Variants in ESPNL observed in about 807,000 individuals in gnomAD.
ESPNL encodes espin like.
ESPNL carries 49 observed loss-of-function variants against 46.8 expected under a neutral mutation model. The observed-to-expected ratio is 1.05, with a 90% confidence interval of 0.83 to 1.33. The LOEUF (loss-of-function observed/expected upper bound fraction) is 1.33, where lower values mean the gene tolerates loss of function less well. Among genes scored for constraint, ESPNL ranks in the 40% most tolerant of loss-of-function variants. ESPNL has a pLI of 0.00. For missense variants in ESPNL, 1,540 were observed against 1,436.6 expected (o/e 1.07, Z -1.16); for synonymous variants, 664 against 662.1 (o/e 1.00, Z -0.04).
intron 4 of ESPNL, among the ~76,000 whole-genome samples, chr2:238,116,229 C>T (rs892769482): frequency 1.5e-4 from 23 of 152,250 alleles, no homozygotes; most frequent in African/African-American, 4.8e-4. Context: ...AAGATGTCCT[C>T]TAGCCTTCCA....
chr2:238,132,881 G>C lies in ESPNL; in HGVS notation c.*1149G>C, dbSNP rs1323236672. 6.6e-6 allele frequency: 1 copy of C among 152,366 alleles called. No individual in the cohort carries two copies. The highest frequency in any genetic ancestry group is 1.5e-5 in the Non-Finnish European group (1 of 68,160). The allele number at this position is 152,366 out of a possible 1,614,324, so 9.4% of individuals were successfully genotyped here. A position where few individuals can be genotyped will look rare whatever the true frequency, so the allele number is the denominator to read the frequency against. ...CAGCAGGGAGTGGCAGGGACGGGAG[G>C]CTTCAGGAATATTCCTCCTGGCATC... is the stretch of plus-strand genomic sequence containing the variant. On this transcript the variant is annotated 3_prime_UTR_variant, in exon 9 of 9. Coordinates refer to ENST00000343063, the MANE Select transcript of ESPNL (RefSeq NM_194312.4).
chr2:238,108,170 C>T (rs985159188), intron 4 of ESPNL, among the ~76,000 whole-genome samples, 197 bp downstream of exon 4: 1 of 152,218 alleles, frequency 6.6e-6, no homozygotes, highest in Admixed American at 6.5e-5. Context: ...AAGCTCTATG[C>T]TCTCGTCCTG....
chr2:238,124,732 GGA>G, intron 5 of ESPNL, among the ~76,000 whole-genome samples: 1 of 144,260 alleles, frequency 6.9e-6, no homozygotes, highest in Middle Eastern at 3.6e-3. Flanking sequence ...CATGTGTGCA[GGA>G]GAGTACATGC....
intron 2 of ESPNL, among the ~76,000 whole-genome samples, chr2:238,103,407 C>T (rs2011350): frequency 0.32 from 47,828 of 150,046 alleles, 9,645 homozygotes; most frequent in Non-Finnish European, 0.44. Flanking sequence ...CCAGCCTGGG[C>T]GATAGAGCAA....
chr2:238,118,438 TG>T (rs1691876351), intron 5 of ESPNL, among the ~76,000 whole-genome samples: 1 of 75,902 alleles, frequency 1.3e-5, no homozygotes, highest in African/African-American at 7.3e-5. Context: ...GAGGAATGGA[TG>T]GAAGAGGTGG....
intron 5 of ESPNL, among the ~76,000 whole-genome samples, chr2:238,124,773 G>C (rs1692066965): frequency 6.6e-6 from 1 of 151,738 alleles, no homozygotes; most frequent in African/African-American, 2.4e-5. Flanking sequence ...GTACATGCGT[G>C]TGTGCAGGAG....
At chr2:238,107,632 G>A (rs367827047) in intron 3 of ESPNL, among the ~76,000 whole-genome samples, 159 bp from the exon 4 acceptor site, 4 of 152,170 alleles carry the variant, frequency 2.6e-5, no homozygotes, top group South Asian at 4.1e-4. Flanking sequence ...TGACGGGGAC[G>A]CACGTGCTCA....
intron 6 of ESPNL, among the ~76,000 whole-genome samples, chr2:238,126,662 TTG>T (rs1220392094): frequency 2.2e-4 from 32 of 148,080 alleles, no homozygotes; most frequent in East Asian, 1.5e-3. Flanking sequence ...GTGTCTGTGA[TTG>T]TGTCTGTGTG....
chr2:238,128,766 T>A lies in ESPNL; in HGVS notation c.1275T>A (p.Asp425Glu). The A allele has an allele frequency of 1.3e-6, 2 of 1,593,880 alleles. No homozygotes were observed. The highest frequency in any genetic ancestry group is 1.1e-5 in the South Asian group (1 of 87,740). Reference protein sequence around the residue: ...TSDGLAALQLDGLPSGDIDGL... With the variant: ...TSDGLAALQLEGLPSGDIDGL... Reference sequence around the variant, plus strand: ...ATGGCCTGGCCGCACTACAGCTGGATGGGCTGCCCTCAGGCGACATCGACG... The same window carrying A: ...ATGGCCTGGCCGCACTACAGCTGGAAGGGCTGCCCTCAGGCGACATCGACG... Residue 425 changes from aspartate (D) to glutamate (E), a missense_variant, in exon 8 of 9, where the codon GAT (aspartate) becomes GAA (glutamate). Transcript: ENST00000343063.
Position 238,127,603 on chromosome 2 carries a change from C to CATGT in ESPNL, c.1103-19_1103-18insATGT. The CATGT allele has an allele frequency of 6.3e-7, 1 of 1,584,568 alleles. No individual in the cohort carries two copies. The highest frequency in any genetic ancestry group is 1.8e-5 in the Admixed American group (1 of 55,954). Reference sequence around the variant, plus strand: ...CCCAGCCCTTGCCCTTTCTGCAACACCCTTCTTCTTCTTGGCAGCCATGTC... The same window carrying CATGT: ...CCCAGCCCTTGCCCTTTCTGCAACACATGTCCTTCTTCTTCTTGGCAGCCATGTC... On this transcript the variant is annotated intron_variant, in intron 6 of 8. Transcript: ENST00000343063.
Position 238,130,579 on chromosome 2 carries a change from C to G in ESPNL, c.1865C>G (p.Thr622Ser). The G allele has an allele frequency of 6.3e-7, 1 of 1,575,802 alleles. No individual in the cohort carries two copies. Residue 622 changes from threonine to serine, a missense_variant, in exon 9 of 9, where the codon ACC (threonine) becomes AGC (serine). By Grantham distance (58) the Thr-to-Ser change is moderately conservative. Transcript: ENST00000343063. ...GTACAGGGGGATGAGAAGCCATCCA[C>G]CCGGCCCCTGCAGGACACCTGCAGG... ...GLVQGDEKPSTRPLQDTCREA... is the reference protein window; with the variant it reads ...GLVQGDEKPSSRPLQDTCREA...
chr2:238,129,751 T>C (rs1692239395), intron 8 of ESPNL, among the ~76,000 whole-genome samples: 1 of 152,236 alleles, frequency 6.6e-6, no homozygotes, highest in Non-Finnish European at 1.5e-5. Flanking sequence ...CATTACAATT[T>C]AAGGAAAGTA....
intron 4 of ESPNL, among the ~76,000 whole-genome samples, chr2:238,113,871 C>T (rs1001770917): frequency 6.6e-6 from 1 of 152,176 alleles, no homozygotes; most frequent in Non-Finnish European, 1.5e-5. Context: ...GTTCTTCCGT[C>T]GTCAGCCCAG....
chr2:238,119,468 G>GTT, intron 5 of ESPNL, among the ~76,000 whole-genome samples: 1 of 105,420 alleles, frequency 9.5e-6, no homozygotes. Context: ...GATGAAGGAG[G>GTT]AATGGATGGA....
chr2:238,130,776 T>A lies in ESPNL; in HGVS notation c.2062T>A (p.Trp688Arg), dbSNP rs778725152. Residue 688 changes from tryptophan to arginine, a missense_variant, in exon 9 of 9, where the codon TGG (tryptophan) becomes AGG (arginine). Transcript: ENST00000343063. ...AQHRQCLSGC[W>R]PALPKPRSGL... The stretch of plus-strand genomic sequence containing the variant: ...GCACAGGCAGTGCCTGAGTGGCTGC[T>A]GGCCAGCCCTGCCTAAGCCCCGCAG... 7 of 1,547,164 alleles carry A rather than the reference T, an allele frequency of 4.5e-6. No individual in the cohort carries two copies. The Admixed American group carries it at 5.7e-5, about 13-fold the overall frequency.
chr2:238,103,960 A>G (rs1167579824), intron 2 of ESPNL, among the ~76,000 whole-genome samples: 3 of 152,212 alleles, frequency 2.0e-5, no homozygotes, highest in Non-Finnish European at 4.4e-5. Flanking sequence ...ATCAGCTCCC[A>G]GCCTCTGTTT....
At chr2:238,102,157 G>A (rs749382225) in intron 2 of ESPNL, 26 bp downstream of exon 2, 20 of 1,507,502 alleles carry the variant, frequency 1.3e-5, no homozygotes, top group Non-Finnish European at 1.7e-5. Context: ...TCCCGCCTGG[G>A]GGGGCAGCCT....
intron 3 of ESPNL, among the ~76,000 whole-genome samples, chr2:238,106,461 A>T (rs1238231760): frequency 1.3e-5 from 2 of 152,148 alleles, no homozygotes; most frequent in Non-Finnish European, 2.9e-5. Flanking sequence ...CCCTTCGTGG[A>T]GACTGCAGCC....
At chr2:238,111,223 G>A (rs73098375) in intron 4 of ESPNL, among the ~76,000 whole-genome samples, 4 of 151,990 alleles carry the variant, frequency 2.6e-5, no homozygotes, top group Admixed American at 6.6e-5. Context: ...TACCGTGCCC[G>A]GCCTAGTTAT....
Sources: allele counts gnomAD v4.1 joint callset (sites outside exome capture counted in the v4.1 genomes callset), GRCh38; gene constraint gnomAD v4.1.1; transcripts MANE v1.5; gene names NCBI Gene and HGNC (gene_info 2026-07-23, HGNC 2026-07-21).